SPATA9: variants seen among roughly 807,000 people sequenced by gnomAD.
SPATA9 encodes spermatogenesis-associated protein 9.
SPATA9 carries 27 observed loss-of-function variants against 25.5 expected under a neutral mutation model. The ratio of observed to expected loss-of-function variants is 1.06; its 90% confidence interval spans 0.78 to 1.46. SPATA9 has a LOEUF of 1.46. Among genes scored for constraint, SPATA9 ranks in the 40% most tolerant of loss-of-function variants. SPATA9 has a pLI of 0.00. For synonymous variants in SPATA9, 102 were observed against 105.7 expected (o/e 0.97, Z 0.21); for missense variants, 282 against 297.5 (o/e 0.95, Z 0.38).
At chr5:95,654,750 G>C (rs555578023), downstream of SPATA9, among the ~76,000 whole-genome samples, 8 of 152,144 alleles carry the variant, frequency 5.3e-5, no homozygotes, top group African/African-American at 7.2e-5. Flanking sequence ...TGGGTATGGA[G>C]AGATGTGAAC....
chr5:95,663,988 T>C lies in SPATA9; in HGVS notation c.439A>G (p.Ile147Val), dbSNP rs1165770951. 1 of 1,597,834 alleles carries C rather than the reference T, an allele frequency of 6.3e-7. No homozygotes were observed. The highest frequency in any genetic ancestry group is 1.7e-5 in the Admixed American group (1 of 58,784). The part of the protein sequence containing the change: ...SFPAKTALTS[I>V]IYASYAALIY... The stretch of plus-strand genomic sequence containing the variant: ...AGTGCTGCATATGAAGCATATATTA[T>C]GCTAGTTAAAGCAGTCTTTGCTGGA... The change falls in exon 4 of 5, where the codon ATA (isoleucine) becomes GTA (valine). Residue 147 changes from isoleucine to valine, a missense_variant. Coordinates refer to ENST00000274432, the MANE Select transcript of SPATA9 (RefSeq NM_031952.4).
intron 1 of SPATA9, among the ~76,000 whole-genome samples, chr5:95,690,207 A>C (rs1753847127): frequency 6.6e-6 from 1 of 152,220 alleles, no homozygotes; most frequent in Admixed American, 6.5e-5. Context: ...ATCAAAGAAC[A>C]ATGTAAAATG....
the SPATA9 span, chr5:95,731,442 G>C: frequency 5.0e-6 from 6 of 1,204,208 alleles, no homozygotes; most frequent in South Asian, 2.0e-4. Flanking sequence ...CGATGTTCCC[G>C]GGCACTCCCT....
chr5:95,727,317 C>T, the SPATA9 span, among the ~76,000 whole-genome samples: 10 of 152,258 alleles, frequency 6.6e-5, no homozygotes, highest in South Asian at 1.9e-3. Flanking sequence ...TCTGCCAAGC[C>T]GAGATCTCTA....
chr5:95,659,307 A>C (rs946676833), intron 4 of SPATA9: 4 of 166,254 alleles, frequency 2.4e-5, no homozygotes, highest in Admixed American at 5.8e-5. Context: ...GACTTTGCTT[A>C]TACTTACATG....
At chr5:95,684,173 T>A (rs1753662234), upstream of SPATA9, among the ~76,000 whole-genome samples, 1 of 152,168 alleles carries the variant, frequency 6.6e-6, no homozygotes, top group Non-Finnish European at 1.5e-5. Flanking sequence ...ACTATGCCCT[T>A]AACATTTGGA....
At chr5:95,672,139 G>GTTGGGT (rs1752446341) in intron 3 of SPATA9, among the ~76,000 whole-genome samples, 1 of 152,136 alleles carries the variant, frequency 6.6e-6, no homozygotes, top group Non-Finnish European at 1.5e-5. Flanking sequence ...TTAATACAGA[G>GTTGGGT]ACTGGATATG....
the SPATA9 span, among the ~76,000 whole-genome samples, chr5:95,712,018 C>G: frequency 6.6e-6 from 1 of 152,078 alleles, no homozygotes; most frequent in Admixed American, 6.6e-5. Flanking sequence ...TCTGAGAAAC[C>G]AAGAGAAAAA....
the SPATA9 span, chr5:95,731,486 C>G: frequency 8.1e-7 from 1 of 1,233,944 alleles, no homozygotes; most frequent in Non-Finnish European, 1.0e-6. Flanking sequence ...CCCGCTAGCC[C>G]GCCCTGGTCC....
At chr5:95,656,602 G>T, downstream of SPATA9, 1 of 197,010 alleles carries the variant, frequency 5.1e-6, no homozygotes, top group Non-Finnish European at 1.0e-5. Context: ...ACAAATAATA[G>T]GTAAAAATTA....
chr5:95,673,519 A>C (rs1752613982), intron 3 of SPATA9, among the ~76,000 whole-genome samples: 1 of 152,180 alleles, frequency 6.6e-6, no homozygotes, highest in Admixed American at 6.5e-5. Flanking sequence ...CCTGAATAGC[A>C]TAATGACCTG....
intron 2 of SPATA9, among the ~76,000 whole-genome samples, chr5:95,680,452 T>C (rs1753345475): frequency 6.6e-6 from 1 of 152,244 alleles, no homozygotes; most frequent in Non-Finnish European, 1.5e-5. Flanking sequence ...TTGACATCTT[T>C]GAGGATTCTG....
intron 1 of SPATA9, among the ~76,000 whole-genome samples, chr5:95,697,105 C>T (rs1358931873): frequency 2.6e-5 from 4 of 152,168 alleles, no homozygotes; most frequent in East Asian, 1.9e-4. Context: ...TTTGTTATCT[C>T]ACAGTTTCTT....
At chr5:95,731,367 C>G in the SPATA9 span, 4 of 1,144,306 alleles carry the variant, frequency 3.5e-6, no homozygotes, top group East Asian at 1.8e-4. Flanking sequence ...GCCGAGGAGG[C>G]GCGGCGGAGA....
the SPATA9 span, among the ~76,000 whole-genome samples, chr5:95,723,292 G>C: frequency 6.6e-6 from 1 of 152,222 alleles, no homozygotes; most frequent in Admixed American, 6.5e-5. Flanking sequence ...GCGGCCCTTA[G>C]GCCACAGGTT....
At chr5:95,673,206 C>CAA (rs1752578901) in intron 3 of SPATA9, among the ~76,000 whole-genome samples, 1 of 152,164 alleles carries the variant, frequency 6.6e-6, no homozygotes, top group Non-Finnish European at 1.5e-5. Flanking sequence ...TTTCAAGGTT[C>CAA]CTCTCTCCTG....
chr5:95,679,575 C>A (rs919537827), intron 2 of SPATA9, among the ~76,000 whole-genome samples: 8 of 152,196 alleles, frequency 5.3e-5, no homozygotes, highest in South Asian at 2.1e-4. Context: ...TTTAGTATCA[C>A]CCCTCCTCAA....
upstream of SPATA9, among the ~76,000 whole-genome samples, chr5:95,700,646 T>C (rs1754158400): frequency 6.6e-6 from 1 of 151,986 alleles, no homozygotes; most frequent in Non-Finnish European, 1.5e-5. Flanking sequence ...CAGGCTGGTC[T>C]CAAACTCCTG....
chr5:95,654,062 A>G, downstream of SPATA9: 1 of 1,606,230 alleles, frequency 6.2e-7, no homozygotes, highest in Non-Finnish European at 8.5e-7. Context: ...TTCAACTAGC[A>G]TGAATCTTGA....
Sources: gnomAD v4.1 joint callset for allele counts (sites outside exome capture counted in the v4.1 genomes callset) on GRCh38, gnomAD v4.1.1 for gene constraint, MANE v1.5 for transcripts, NCBI Gene and HGNC (gene_info 2026-07-23, HGNC 2026-07-21) for gene names.